SH2D1A: variants seen among roughly 807,000 people sequenced by gnomAD.
SH2D1A encodes SH2 domain containing 1A.
SH2D1A carries 6 observed loss-of-function variants against 10.1 expected under a neutral mutation model. That is an observed-to-expected ratio of 0.60 (90% CI 0.33 to 1.18). The LOEUF (loss-of-function observed/expected upper bound fraction) is 1.18. SH2D1A is among the 50% of genes most tolerant of loss of function. SH2D1A has a pLI of 0.04. For missense variants in SH2D1A, 51 were observed against 97.6 expected (o/e 0.52, Z 2.01); for synonymous variants, 42 against 36.9 (o/e 1.14, Z -0.51).
At chrX:124,365,433 C>T (rs1174667699) in intron 1 of SH2D1A, among the ~76,000 whole-genome samples, 1 of 110,484 alleles carries the variant, frequency 9.1e-6, no homozygotes, top group Non-Finnish European at 1.9e-5. Context: ...TTAAAACTAT[C>T]TAATAATTCA....
At chrX:124,350,298 A>T (rs2060006781) in intron 1 of SH2D1A, among the ~76,000 whole-genome samples, 1 of 33,437 alleles carries the variant, frequency 3.0e-5, no homozygotes, top group Non-Finnish European at 4.5e-5. Context: ...AATATATAAT[A>T]TATAAATATA....
intron 1 of SH2D1A, among the ~76,000 whole-genome samples, chrX:124,364,017 T>C: frequency 9.0e-6 from 1 of 110,568 alleles, no homozygotes; most frequent in Non-Finnish European, 1.9e-5. Flanking sequence ...GGTTTATGTA[T>C]TTACTGTACT....
In SH2D1A at chrX:124,371,484, A is replaced by G. The variant is rs2060069088; in HGVS notation, c.*93A>G. ...GATAATACAGTTCGGTGAGCTACAA[A>G]TGCATTTCTAAAGCCATTGTAGTCC... On this transcript the variant is annotated 3_prime_UTR_variant, in exon 4 of 4. Transcript: ENST00000371139. 1 of 584,136 alleles carries G rather than the reference A, an allele frequency of 1.7e-6. No individual in the cohort carries two copies. Among genetic ancestry groups the G allele is most frequent in the East Asian group, 3.7e-5 (1 of 27,170 alleles). 48.1% of individuals were successfully genotyped at this position (584,136 alleles called of 1,213,427 possible).
intron 1 of SH2D1A, among the ~76,000 whole-genome samples, chrX:124,353,843 TATC>T (rs1278538340): frequency 9.0e-6 from 1 of 111,679 alleles, no homozygotes; most frequent in Non-Finnish European, 1.9e-5. Flanking sequence ...AATGCATAAT[TATC>T]TTTTTGTCCT....
Position 124,371,892 on chromosome X carries a change from C to G in SH2D1A, c.*501C>G, listed in dbSNP as rs2060070265. ...TGAAGCTGTATACTGTGTGCTAAAACAAGCACTAAACAAAGAGTGAAGGAT... is the reference window on the plus strand; with the variant it reads ...TGAAGCTGTATACTGTGTGCTAAAAGAAGCACTAAACAAAGAGTGAAGGAT... On this transcript the variant is annotated 3_prime_UTR_variant, in exon 4 of 4. Coordinates refer to ENST00000371139, the MANE Select transcript of SH2D1A (RefSeq NM_002351.5). The G allele has an allele frequency of 6.4e-6, 1 of 157,180 alleles. No individual in the cohort carries two copies. The highest frequency in any genetic ancestry group is 3.3e-4 in the South Asian group (1 of 3,002). The allele number at this position is 157,180 out of a possible 1,213,427, so 13.0% of individuals were successfully genotyped here.
Position 124,348,122 on chromosome X carries a change from T to C in SH2D1A, c.137+1343T>C, listed in dbSNP as rs763421954. On this transcript the variant is annotated intron_variant, in intron 1 of 3. Transcript: ENST00000371139. The stretch of plus-strand genomic sequence containing the variant: ...GTGGCAGCTCTCAGGTCATGCTAAA[T>C]ACATTTTTCACAAAGGCTTCAAGGG... 6.2e-5 allele frequency among the ~76,000 whole-genome samples: 7 copies of C among 112,160 alleles called. No individual in the cohort carries two copies. In the Admixed American group the frequency reaches 6.6e-4, roughly 11 times the overall value.
intron 1 of SH2D1A, 66 bp from the exon 2 acceptor site, chrX:124,365,695 G>A: frequency 1.4e-6 from 1 of 712,483 alleles, no homozygotes; most frequent in East Asian, 3.2e-5. Flanking sequence ...GTAATATTAA[G>A]CTCAAATTTA....
intron 1 of SH2D1A, among the ~76,000 whole-genome samples, chrX:124,350,179 TATATATAATATATAA>T (rs1306859672): frequency 1.5e-5 from 1 of 66,910 alleles, no homozygotes; most frequent in Non-Finnish European, 2.6e-5. Context: ...AAATATCTAA[TATATATAATATATAA>T]ATATATAATA....
intron 1 of SH2D1A, chrX:124,364,443 T>A (rs2060048764): frequency 7.2e-6 from 2 of 276,948 alleles, no homozygotes; most frequent in Non-Finnish European, 1.4e-5. Flanking sequence ...TCAAAAAGTT[T>A]AAAAAAATTT....
intron 1 of SH2D1A, among the ~76,000 whole-genome samples, chrX:124,348,814 T>A: frequency 8.9e-6 from 1 of 112,186 alleles, no homozygotes. Flanking sequence ...ATTAACAAAC[T>A]GTCAAGGCAA....
At position 124,372,546 on chromosome X, in the gene SH2D1A, G is replaced by A. The variant is rs1365539946; in HGVS notation, c.*1155G>A. Reference sequence around the variant, plus strand: ...GAAAGAAAATAACAATAAAAGACAAGGAAAAAATAACAATGAAAGTTGATA... The same window carrying A: ...GAAAGAAAATAACAATAAAAGACAAAGAAAAAATAACAATGAAAGTTGATA... On this transcript the variant is annotated 3_prime_UTR_variant, in exon 4 of 4. Coordinates refer to ENST00000371139, the MANE Select transcript of SH2D1A (RefSeq NM_002351.5). The A allele has an allele frequency of 1.2e-5, 2 of 170,277 alleles. No homozygotes were observed. Among genetic ancestry groups the A allele is most frequent in the Non-Finnish European group, 2.2e-5 (2 of 88,946 alleles). 14.0% of individuals were successfully genotyped at this position (170,277 alleles called of 1,213,427 possible).
At position 124,371,955 on chromosome X, in the gene SH2D1A, T is replaced by C; in HGVS notation, c.*564T>C. The C allele has an allele frequency of 6.3e-6, 1 of 159,344 alleles. No individual in the cohort carries two copies. Among genetic ancestry groups the C allele is most frequent in the Non-Finnish European group, 1.2e-5 (1 of 81,228 alleles). 13.1% of individuals were successfully genotyped at this position (159,344 alleles called of 1,213,427 possible). ...CTGAAAGCAACCTTCTTGCCTAGTGTTCTGATATTGGACAGTAAAATCCAC... is the reference window on the plus strand; with the variant it reads ...CTGAAAGCAACCTTCTTGCCTAGTGCTCTGATATTGGACAGTAAAATCCAC... On this transcript the variant is annotated 3_prime_UTR_variant, in exon 4 of 4. Coordinates refer to ENST00000371139, the MANE Select transcript of SH2D1A (RefSeq NM_002351.5).
chrX:124,372,257 A>G lies in SH2D1A; in HGVS notation c.*866A>G, dbSNP rs767771720. 0.016 allele frequency: 2,700 copies of G among 165,097 alleles called. 68 individuals are homozygous for G. The highest frequency in any genetic ancestry group is 0.075 in the African/African-American group (2,492 of 33,250). 13.6% of individuals were successfully genotyped at this position (165,097 alleles called of 1,213,427 possible). On this transcript the variant is annotated 3_prime_UTR_variant, in exon 4 of 4. Transcript: ENST00000371139. Reference sequence around the variant, plus strand: ...AGTTTATGGTTGTATTATTTTTTAAAAAAATTCCAAGTGATTGAAACCTAC... The same window carrying G: ...AGTTTATGGTTGTATTATTTTTTAAGAAAATTCCAAGTGATTGAAACCTAC...
In SH2D1A at chrX:124,370,283, G is replaced by A; in HGVS notation, c.309G>A (p.Glu103=). The change falls in exon 3 of 4, where the codon GAG becomes GAA. Residue 103 remains glutamate (E), a synonymous_variant. Transcript: ENST00000371139. ...GIVIPLQYPV[E]KKSSARSTQG... is the part of the protein sequence containing the mutation. ...TAATACCTCTGCAGTATCCAGTTGAGAAGAAGTCCTCAGCTAGAAGTACAC... is the reference window on the plus strand; with the variant it reads ...TAATACCTCTGCAGTATCCAGTTGAAAAGAAGTCCTCAGCTAGAAGTACAC... The A allele has an allele frequency of 8.3e-7, 1 of 1,202,907 alleles. No individual in the cohort carries two copies. Among genetic ancestry groups the A allele is most frequent in the Non-Finnish European group, 1.1e-6 (1 of 887,477 alleles).
intron 1 of SH2D1A, among the ~76,000 whole-genome samples, chrX:124,361,614 A>G (rs2060040410): frequency 8.9e-6 from 1 of 112,255 alleles, no homozygotes; most frequent in East Asian, 2.8e-4. Flanking sequence ...TATTCTGATG[A>G]GGTCTCAGAT....
At chrX:124,357,024 G>T (rs1569527410) in intron 1 of SH2D1A, among the ~76,000 whole-genome samples, 1 of 111,552 alleles carries the variant, frequency 9.0e-6, no homozygotes, top group East Asian at 2.8e-4. Flanking sequence ...CAACTTTCAA[G>T]AATACAATAC....
chrX:124,349,984 T>C (rs1294550729), intron 1 of SH2D1A, among the ~76,000 whole-genome samples: 1 of 102,700 alleles, frequency 9.7e-6, no homozygotes. Flanking sequence ...AACCTAAAGA[T>C]GACTATTGCT....
intron 1 of SH2D1A, among the ~76,000 whole-genome samples, chrX:124,365,054 G>C (rs1389684131): frequency 9.0e-6 from 1 of 110,926 alleles, no homozygotes; most frequent in Non-Finnish European, 1.9e-5. Flanking sequence ...TGCTGTACAG[G>C]TTTGTAGCCT....
intron 1 of SH2D1A, among the ~76,000 whole-genome samples, chrX:124,359,760 C>T (rs1052480651): frequency 1.2e-4 from 13 of 111,876 alleles, no homozygotes; most frequent in East Asian, 5.5e-4. Context: ...GGCAATCCTT[C>T]GTAAAAAATA....
Sources: allele counts gnomAD v4.1 joint callset (sites outside exome capture counted in the v4.1 genomes callset), GRCh38; gene constraint gnomAD v4.1.1; transcripts MANE v1.5; gene names NCBI Gene and HGNC (gene_info 2026-07-23, HGNC 2026-07-21).